Variants in B4GALT5 observed in about 807,000 individuals in gnomAD.
B4GALT5 encodes the protein beta-1,4-galactosyltransferase 5, also known as UDP-Gal:beta-GlcNAc beta-1,4-galactosyltransferase 5.
Under a neutral mutation model 45.0 loss-of-function variants are expected in B4GALT5, and 11 were observed. The ratio of observed to expected loss-of-function variants is 0.24; its 90% CI spans 0.15 to 0.40. The LOEUF (loss-of-function observed/expected upper bound fraction) is 0.40, where lower values mean the gene tolerates loss of function less well. Among genes scored for constraint, B4GALT5 ranks in the 10% least tolerant of loss-of-function variants. The pLI, the probability that B4GALT5 is intolerant of heterozygous loss-of-function variation, is 1.00. For missense variants in B4GALT5, 337 were observed against 500.2 expected, an observed-to-expected ratio of 0.67 and a Z score of 3.11; for synonymous variants, 185 against 182.9, an observed-to-expected ratio of 1.01 and a Z score of -0.09.
chr20:49,701,977 A>C (rs1279802823), intron 1 of B4GALT5, among the ~76,000 whole-genome samples: 1 of 152,186 alleles, frequency 6.6e-6, no homozygotes, highest in Non-Finnish European at 1.5e-5. Flanking sequence ...AGACAGGAGA[A>C]TCACTTGAAC....
intron 5 of B4GALT5, among the ~76,000 whole-genome samples, chr20:49,641,760 TC>T (rs2085577826): frequency 6.6e-6 from 1 of 152,148 alleles, no homozygotes; most frequent in Non-Finnish European, 1.5e-5. Context: ...TTCAGGGAAA[TC>T]TGTCAACCTT....
chr20:49,703,238 TAATTACTTA>T (rs2085870356), intron 1 of B4GALT5, among the ~76,000 whole-genome samples: 3 of 151,876 alleles, frequency 2.0e-5, no homozygotes, highest in Admixed American at 2.0e-4. Flanking sequence ...ACTGTACACT[TAATTACTTA>T]AATTACTAAA....
chr20:49,640,479 G>C lies in B4GALT5; in HGVS notation c.793C>G (p.Leu265Val). ...FATKLDKYMYLLPYTEFFGGV... is the reference protein window; with the variant it reads ...FATKLDKYMYVLPYTEFFGGV... ...TAATTAAGAAGAAATGATACTCACA[G>C]ATACATATACTTATCCAATTTGGTT... Residue 265 changes from leucine to valine, a missense_variant and splice_region_variant, in exon 6 of 9, where the codon CTG (leucine) becomes GTG (valine). Physicochemically the swap from Leu to Val is conservative, Grantham distance 32. Coordinates refer to ENST00000371711, the MANE Select transcript of B4GALT5 (RefSeq NM_004776.4). 1 of 1,581,898 alleles carries C rather than the reference G, an allele frequency of 6.3e-7. No individual in the cohort carries two copies. Among genetic ancestry groups the C allele is most frequent in the Non-Finnish European group, 8.6e-7 (1 of 1,166,532 alleles).
chr20:49,698,436 T>G (rs978867107), intron 1 of B4GALT5, among the ~76,000 whole-genome samples: 1 of 152,204 alleles, frequency 6.6e-6, no homozygotes, highest in Non-Finnish European at 1.5e-5. Flanking sequence ...AAAGTGAATT[T>G]TCCCTAGTGC....
At chr20:49,662,971 C>A (rs1393035584) in intron 1 of B4GALT5, among the ~76,000 whole-genome samples, 1 of 152,148 alleles carries the variant, frequency 6.6e-6, no homozygotes, top group Admixed American at 6.5e-5. Flanking sequence ...CTAGAAAGAA[C>A]TCAGAAGAGA....
In B4GALT5 at chr20:49,637,630, T is replaced by A. The variant is rs555548821; in HGVS notation, c.918-188A>T. Among the ~76,000 whole-genome samples, 36 of 152,212 alleles carry A rather than the reference T, an allele frequency of 2.4e-4. No homozygotes were observed. In the South Asian group the frequency reaches 7.3e-3, roughly 31 times the overall value. ...AACTCAATTTTAACTGAATTAAAGT[T>A]TTTATGTGAACGGAAAAAATAGGCT... On this transcript the variant is annotated intron_variant, in intron 7 of 8. Coordinates refer to ENST00000371711, the MANE Select transcript of B4GALT5 (RefSeq NM_004776.4).
intron 2 of B4GALT5, among the ~76,000 whole-genome samples, chr20:49,652,516 A>C (rs974424650): frequency 6.6e-6 from 1 of 151,692 alleles, no homozygotes; most frequent in Non-Finnish European, 1.5e-5. Flanking sequence ...CGAAGACTAC[A>C]GACTGGACAT....
intron 2 of B4GALT5, among the ~76,000 whole-genome samples, chr20:49,650,713 A>G (rs1042201218): frequency 3.3e-5 from 5 of 152,162 alleles, no homozygotes; most frequent in Non-Finnish European, 1.5e-5. Flanking sequence ...GAGGAAATTA[A>G]TTGCTCACGA....
In B4GALT5 at chr20:49,640,124, A is replaced by G. The variant is rs545535737; in HGVS notation, c.795-324T>C. Among the ~76,000 whole-genome samples the G allele has an allele frequency of 4.6e-5, 7 of 152,154 alleles. No homozygotes were observed. In the East Asian group the frequency reaches 7.7e-4, roughly 17 times the overall value. On this transcript the variant is annotated intron_variant, in intron 6 of 8. Transcript: ENST00000371711. ...CCCGCAAAGCCTTGCACCCATTAGC[A>G]ATCACCCCCTGCTCCTCCTATCCTC...
chr20:49,692,446 G>A (rs745349678), intron 1 of B4GALT5, among the ~76,000 whole-genome samples: 18 of 152,152 alleles, frequency 1.2e-4, no homozygotes, highest in Non-Finnish European at 2.1e-4. Flanking sequence ...CAGCCTGGGT[G>A]ACAGAGCGAG....
chr20:49,682,733 C>T (rs1265822679), intron 1 of B4GALT5, among the ~76,000 whole-genome samples: 1 of 150,910 alleles, frequency 6.6e-6, no homozygotes, highest in Non-Finnish European at 1.5e-5. Flanking sequence ...CACATAGCAG[C>T]AGCCCAATAA....
intron 1 of B4GALT5, among the ~76,000 whole-genome samples, chr20:49,679,496 G>A (rs1243323169): frequency 1.3e-5 from 2 of 149,294 alleles, no homozygotes; most frequent in Non-Finnish European, 1.5e-5. Context: ...GTGAAACCCC[G>A]TCTCTACTAA....
At chr20:49,674,508 A>G (rs1367537629) in intron 1 of B4GALT5, among the ~76,000 whole-genome samples, 1 of 152,114 alleles carries the variant, frequency 6.6e-6, no homozygotes, top group East Asian at 1.9e-4. Context: ...TTGGAATTAC[A>G]AAATCCCAGG....
intron 1 of B4GALT5, among the ~76,000 whole-genome samples, chr20:49,663,443 CAA>C (rs11086291): frequency 7.0e-5 from 10 of 142,766 alleles, no homozygotes; most frequent in African/African-American, 2.6e-5. Context: ...CATATTTTTA[CAA>C]AAAAAAAAAC....
intron 3 of B4GALT5, among the ~76,000 whole-genome samples, chr20:49,646,443 G>GT (rs1407899977): frequency 2.6e-5 from 4 of 151,952 alleles, no homozygotes; most frequent in Admixed American, 2.6e-4. Flanking sequence ...ATTTTTTACT[G>GT]TACCTTTTCT....
At chr20:49,676,549 G>A (rs1350300491) in intron 1 of B4GALT5, among the ~76,000 whole-genome samples, 2 of 152,236 alleles carry the variant, frequency 1.3e-5, no homozygotes, top group Non-Finnish European at 2.9e-5. Flanking sequence ...AGGTATGAAT[G>A]TGTGCCTTCA....
intron 4 of B4GALT5, among the ~76,000 whole-genome samples, chr20:49,643,275 T>G (rs1373459965): frequency 1.3e-5 from 2 of 152,172 alleles, no homozygotes; most frequent in Non-Finnish European, 2.9e-5. Flanking sequence ...AACGCCCTCA[T>G]CCCCTTGCTT....
chr20:49,684,929 TCA>T (rs1282195197), intron 1 of B4GALT5, among the ~76,000 whole-genome samples: 2 of 152,220 alleles, frequency 1.3e-5, no homozygotes, highest in African/African-American at 2.4e-5. Flanking sequence ...CTTCAGGAAG[TCA>T]CAGTTATTAT....
intron 5 of B4GALT5, among the ~76,000 whole-genome samples, chr20:49,641,428 C>G (rs887137482): frequency 2.0e-5 from 3 of 152,166 alleles, no homozygotes; most frequent in African/African-American, 7.2e-5. Context: ...ACTGAGCATG[C>G]CAGGGACTCA....
Sources: gnomAD v4.1 joint callset for allele counts (sites outside exome capture counted in the v4.1 genomes callset) on GRCh38, gnomAD v4.1.1 for gene constraint, MANE v1.5 for transcripts, NCBI Gene and HGNC (gene_info 2026-07-23, HGNC 2026-07-21) for gene names.